The following ARHGAP23 variants were observed in gnomAD, a reference collection of about 807,000 sequenced individuals.
ARHGAP23 encodes rho GTPase-activating protein 23.
ARHGAP23 carries 34 observed loss-of-function variants against 136.3 expected under a neutral mutation model. The observed-to-expected ratio is 0.25, with a 90% CI of 0.19 to 0.33. The LOEUF (loss-of-function observed/expected upper bound fraction) is 0.33. ARHGAP23 is among the 10% of genes least tolerant of loss of function. ARHGAP23 has a pLI of 1.00. For synonymous variants in ARHGAP23, 832 were observed against 920.5 expected, an observed-to-expected ratio of 0.90 and a Z score of 1.74; for missense variants, 1,808 against 2,139.0, an observed-to-expected ratio of 0.85 and a Z score of 3.05.
rs183276573 is a variant in ARHGAP23 at position 38,487,963 on chromosome 17, G to A, written c.2986+1823G>A. ...GTTGCCCAGACTGGAATGCAGTGGC[G>A]CAATCATGGCTCACTGCAGCCTCAA... On this transcript the variant is annotated intron_variant, in intron 17 of 23. Coordinates refer to ENST00000622683, the MANE Select transcript of ARHGAP23 (RefSeq NM_001199417.2). Among the ~76,000 whole-genome samples the A allele has an allele frequency of 5.3e-3, 801 of 152,184 alleles. 8 individuals are homozygous for A. Among genetic ancestry groups the A allele is most frequent in the African/African-American group, 0.018 (761 of 41,546 alleles).
chr17:38,469,233 C>A lies in ARHGAP23; in HGVS notation c.1738C>A (p.Leu580Met). The change falls in exon 8 of 24, where the codon CTG (leucine) becomes ATG (methionine). Residue 580 changes from leucine (L) to methionine (M), a missense_variant. Leu to Met is a conservative substitution (Grantham distance 15, BLOSUM62 2). Coordinates refer to ENST00000622683, the MANE Select transcript of ARHGAP23 (RefSeq NM_001199417.2). ...CAGTGCCATGAACTCAGCCCCTGTCCTGGGCACCAGCCCATCTTCCCCGAC... is the reference window on the plus strand; with the variant it reads ...CAGTGCCATGAACTCAGCCCCTGTCATGGGCACCAGCCCATCTTCCCCGAC... ...VSSAMNSAPV[L>M]GTSPSSPTFT... 1 of 1,551,650 alleles carries A rather than the reference C, an allele frequency of 6.4e-7. No individual in the cohort carries two copies. The highest frequency in any genetic ancestry group is 1.2e-5 in the South Asian group (1 of 84,054).
At chr17:38,470,955 TTC>T (rs1414177064) in intron 10 of ARHGAP23, among the ~76,000 whole-genome samples, 1 of 150,542 alleles carries the variant, frequency 6.6e-6, no homozygotes, top group African/African-American at 2.5e-5. Flanking sequence ...TGATTTTTCT[TTC>T]TTTTTTTTTT....
chr17:38,429,057 C>CGG (rs1282956807), intron 1 of ARHGAP23, among the ~76,000 whole-genome samples: 1 of 152,220 alleles, frequency 6.6e-6, no homozygotes, highest in Non-Finnish European at 1.5e-5. Context: ...CGCCCCCTGC[C>CGG]GGGTCGGACT....
At chr17:38,501,927 ATAGT>A (rs1177610493) in intron 23 of ARHGAP23, among the ~76,000 whole-genome samples, 2 of 151,168 alleles carry the variant, frequency 1.3e-5, no homozygotes, top group Non-Finnish European at 3.0e-5. Flanking sequence ...ATATATTTAA[ATAGT>A]TATTTAAATA....
At position 38,510,557 on chromosome 17, in the gene ARHGAP23, C is replaced by A. The variant is rs1449515925; in HGVS notation, c.4061C>A (p.Ser1354Ter). The A allele has an allele frequency of 1.6e-6, 2 of 1,221,096 alleles. No individual in the cohort carries two copies. The highest frequency in any genetic ancestry group is 3.3e-5 in the South Asian group (1 of 29,866). The allele number at this position is 1,221,096 out of a possible 1,614,324, so 75.6% of individuals were successfully genotyped here. ...PGSASSSSQE[S>*]LRPPAAALAS... is the part of the protein sequence containing the mutation. ...TCGGCGTCGTCCAGCAGCCAGGAGT[C>A]GCTGCGGCCCCCGGCGGCGGCGCTG... Residue 1354 changes from serine (S) to a stop codon, truncating the protein, a stop_gained, in exon 24 of 24, where the codon TCG (serine) becomes TAG (stop). Transcript: ENST00000622683. LOFTEE classifies it high-confidence loss of function. This position sits in a 1 kb window ranked among gnomAD's most constrained non-coding sequence, Gnocchi z 4.6.
intron 1 of ARHGAP23, among the ~76,000 whole-genome samples, chr17:38,440,322 G>C (rs2038893520): frequency 6.6e-6 from 1 of 152,176 alleles, no homozygotes; most frequent in Non-Finnish European, 1.5e-5. Flanking sequence ...CCCAGGCTCT[G>C]CTTAGGAACT....
intron 20 of ARHGAP23, among the ~76,000 whole-genome samples, chr17:38,497,559 A>G (rs1373202258): frequency 6.6e-6 from 1 of 152,098 alleles, no homozygotes; most frequent in Non-Finnish European, 1.5e-5. Flanking sequence ...CTCCTCCCAC[A>G]CTGGGGTCCC....
chr17:38,482,994 G>A (rs2040081389), intron 16 of ARHGAP23, among the ~76,000 whole-genome samples: 1 of 152,204 alleles, frequency 6.6e-6, no homozygotes, highest in African/African-American at 2.4e-5. Flanking sequence ...TGAAAGCCAG[G>A]TGAGGGCATT....
rs763075340 is a variant in ARHGAP23 at position 38,479,414 on chromosome 17, G to A, written c.2437-22G>A. The A allele has an allele frequency of 6.4e-5, 98 of 1,536,458 alleles. 1 individual carries two copies. The South Asian group carries it at 1.1e-3, about 17-fold the overall frequency. Reference sequence around the variant, plus strand: ...CTGGCTGTGGGCACTGACATGATCCGCTCTCTCCTCTCCTGCTTCAGGACC... The same window carrying A: ...CTGGCTGTGGGCACTGACATGATCCACTCTCTCCTCTCCTGCTTCAGGACC... On this transcript the variant is annotated intron_variant, in intron 12 of 23. Coordinates refer to ENST00000622683, the MANE Select transcript of ARHGAP23 (RefSeq NM_001199417.2).
At chr17:38,466,035 C>A in intron 6 of ARHGAP23, 132 bp from the exon 7 acceptor site, 1 of 631,298 alleles carries the variant, frequency 1.6e-6, no homozygotes, top group Non-Finnish European at 2.5e-6. Flanking sequence ...TTATGCCTCT[C>A]CCTCGTTCCC....
chr17:38,460,947 G>A lies in ARHGAP23; in HGVS notation c.253+15G>A, dbSNP rs751100910. 8 of 1,535,904 alleles carry A rather than the reference G, an allele frequency of 5.2e-6. No homozygotes were observed. The highest frequency in any genetic ancestry group is 2.4e-5 in the South Asian group (2 of 84,042). ...CCGTGGAGGAGGTAAGGGAGGACTG[G>A]CGGGCGCTGGACCTGCACGGGACTC... On this transcript the variant is annotated intron_variant, in intron 3 of 23. Coordinates refer to ENST00000622683, the MANE Select transcript of ARHGAP23 (RefSeq NM_001199417.2).
intron 1 of ARHGAP23, among the ~76,000 whole-genome samples, chr17:38,434,754 T>C (rs1031283770): frequency 4.1e-4 from 63 of 152,384 alleles, no homozygotes; most frequent in African/African-American, 1.5e-3. Context: ...TCTGTGCTCC[T>C]GTATCAACAG....
intron 7 of ARHGAP23, among the ~76,000 whole-genome samples, chr17:38,468,804 G>A (rs1341315141): frequency 1.3e-5 from 2 of 152,164 alleles, no homozygotes; most frequent in African/African-American, 4.8e-5. Context: ...TGGTCTGAGA[G>A]GGGAGACATA....
chr17:38,472,075 C>G (rs1480442058), intron 11 of ARHGAP23, 69 bp downstream of exon 11: 8 of 1,353,866 alleles, frequency 5.9e-6, no homozygotes, highest in South Asian at 4.4e-5. Context: ...CTAGGCCTAC[C>G]CTGACAGCCT....
At chr17:38,427,355 C>G (rs903880102), upstream of ARHGAP23, among the ~76,000 whole-genome samples, 8 of 151,890 alleles carry the variant, frequency 5.3e-5, no homozygotes, top group African/African-American at 1.9e-4. Flanking sequence ...TCCCAGCTAC[C>G]TGGGGAGGCT....
intron 17 of ARHGAP23, among the ~76,000 whole-genome samples, chr17:38,488,439 T>A (rs2040203376): frequency 6.6e-6 from 1 of 152,272 alleles, no homozygotes; most frequent in Non-Finnish European, 1.5e-5. Context: ...AAGCTCTTTG[T>A]GTTTTACAGC....
rs1851803781 is a variant in ARHGAP23 at position 38,472,063 on chromosome 17, T to C, written c.2118+57T>C. 3 of 1,415,866 alleles carry C rather than the reference T, an allele frequency of 2.1e-6. No individual in the cohort carries two copies. In the Admixed American group the frequency reaches 6.7e-5, roughly 31 times the overall value. The allele number at this position is 1,415,866 out of a possible 1,614,324, so 87.7% of individuals were successfully genotyped here. Reference sequence around the variant, plus strand: ...GGCTCCAGCAGAACCCTCCAGCCTCTCCTAGGCCTACCCTGACAGCCTCTG... The same window carrying C: ...GGCTCCAGCAGAACCCTCCAGCCTCCCCTAGGCCTACCCTGACAGCCTCTG... On this transcript the variant is annotated intron_variant, in intron 11 of 23. Transcript: ENST00000622683.
intron 6 of ARHGAP23, among the ~76,000 whole-genome samples, chr17:38,465,521 C>T (rs953759487): frequency 6.6e-6 from 1 of 152,246 alleles, no homozygotes; most frequent in African/African-American, 2.4e-5. Flanking sequence ...GGCCTGGGCG[C>T]TGGCCCTGTC....
At chr17:38,483,298 A>G (rs577406960) in intron 16 of ARHGAP23, among the ~76,000 whole-genome samples, 2 of 152,348 alleles carry the variant, frequency 1.3e-5, no homozygotes, top group South Asian at 4.1e-4. Flanking sequence ...AATGGCCAGC[A>G]ATTTGGGTGG....
Sources: allele counts gnomAD v4.1 joint callset (sites outside exome capture counted in the v4.1 genomes callset), GRCh38; gene constraint gnomAD v4.1.1; non-coding constraint Gnocchi (gnomAD v3.1); transcripts MANE v1.5; gene names NCBI Gene and HGNC (gene_info 2026-07-23, HGNC 2026-07-21).